Variants in PLCB1 observed in about 807,000 individuals in gnomAD.
The protein encoded by PLCB1 is phospholipase C beta 1.
PLCB1 carries 46 observed loss-of-function variants against 161.8 expected under a neutral mutation model. The observed-to-expected ratio is 0.28, with a 90% CI of 0.22 to 0.36. The LOEUF (loss-of-function observed/expected upper bound fraction) is 0.36, where lower values mean the gene tolerates loss of function less well. PLCB1 is among the 10% of genes least tolerant of loss of function. The pLI, the probability that PLCB1 is intolerant of heterozygous loss-of-function variation, is 1.00. For synonymous variants in PLCB1, 517 were observed against 503.7 expected (o/e 1.03, Z -0.35); for missense variants, 1,016 against 1,472.5 (o/e 0.69, Z 5.07).
chr20:8,771,681 A>C (rs1221616816), intron 26 of PLCB1, among the ~76,000 whole-genome samples: 4 of 152,156 alleles, frequency 2.6e-5, no homozygotes, highest in Non-Finnish European at 4.4e-5. Context: ...AAAACAAAAC[A>C]AAACCAAAAA....
chr20:8,797,727 G>A (rs1398522310), intron 31 of PLCB1, among the ~76,000 whole-genome samples: 3 of 152,190 alleles, frequency 2.0e-5, no homozygotes, highest in Non-Finnish European at 2.9e-5. Context: ...CTCAGCTCTT[G>A]ACTGTAGGCT....
intron 2 of PLCB1, among the ~76,000 whole-genome samples, chr20:8,170,653 A>G (rs898027710): frequency 6.6e-6 from 1 of 152,200 alleles, no homozygotes; most frequent in Non-Finnish European, 1.5e-5. Context: ...TACTTGGTAC[A>G]TAGAAGGAAG....
intron 31 of PLCB1, among the ~76,000 whole-genome samples, chr20:8,815,110 G>A (rs922298112): frequency 1.3e-5 from 2 of 151,680 alleles, no homozygotes; most frequent in Admixed American, 6.6e-5. Flanking sequence ...ACAGGTCATC[G>A]CTGCACTGCT....
intron 3 of PLCB1, chr20:8,371,696 A>G (rs980462592): frequency 2.6e-6 from 1 of 384,480 alleles, no homozygotes; most frequent in Non-Finnish European, 4.6e-6. Flanking sequence ...AAAAAAGACA[A>G]CGACAACAAT....
Position 8,433,694 on chromosome 20 carries a change from A to G in PLCB1, c.246+62244A>G, listed in dbSNP as rs1334286251. Among the ~76,000 whole-genome samples, 2 of 146,620 alleles carry G rather than the reference A, an allele frequency of 1.4e-5. 1 individual carries two copies. The highest frequency in any genetic ancestry group is 3.0e-5 in the Non-Finnish European group (2 of 66,540). ...TTAATGTTCAGTAAATGACGAGTGT[A>G]TCCTTCTCCTCTTCCTCCTCCTCCT... On this transcript the variant is annotated intron_variant, in intron 3 of 31. Coordinates refer to ENST00000338037, the MANE Select transcript of PLCB1 (RefSeq NM_015192.4).
At position 8,258,617 on chromosome 20, in the gene PLCB1, C is replaced by T. The variant is rs1041968325; in HGVS notation, c.177+108246C>T. On this transcript the variant is annotated intron_variant, in intron 2 of 31. Coordinates refer to ENST00000338037, the MANE Select transcript of PLCB1 (RefSeq NM_015192.4). ...TTGATTTAAGAAGAGGAATTTATTA[C>T]AGATTAATAATAATTACTTCTGAAG... Among the ~76,000 whole-genome samples the T allele has an allele frequency of 3.3e-5, 5 of 152,100 alleles. No homozygotes were observed. The East Asian group carries it at 7.7e-4, about 23-fold the overall frequency.
intron 3 of PLCB1, among the ~76,000 whole-genome samples, chr20:8,516,272 C>G (rs1480961304): frequency 1.3e-5 from 2 of 152,308 alleles, no homozygotes; most frequent in South Asian, 2.1e-4. Context: ...CACATGAGAA[C>G]ACATTCAACC....
intron 1 of PLCB1, among the ~76,000 whole-genome samples, chr20:8,135,525 G>C (rs1026006429): frequency 1.3e-5 from 2 of 152,212 alleles, no homozygotes; most frequent in East Asian, 3.9e-4. Context: ...AGACAGCAGG[G>C]GGGTAATAGA....
intron 26 of PLCB1, among the ~76,000 whole-genome samples, chr20:8,768,453 C>G (rs971084168): frequency 6.6e-6 from 1 of 152,184 alleles, no homozygotes; most frequent in African/African-American, 2.4e-5. Context: ...TGACCTCATT[C>G]TATTACATTT....
intron 3 of PLCB1, among the ~76,000 whole-genome samples, chr20:8,465,433 G>T (rs898286669): frequency 6.6e-6 from 1 of 152,060 alleles, no homozygotes; most frequent in African/African-American, 2.4e-5. Flanking sequence ...TTTTCTGAAA[G>T]AATTTATTGC....
At chr20:8,265,637 A>T (rs1353278164) in intron 2 of PLCB1, among the ~76,000 whole-genome samples, 2 of 152,186 alleles carry the variant, frequency 1.3e-5, no homozygotes, top group Non-Finnish European at 2.9e-5. Context: ...ATTCTGCAAC[A>T]TATGAACTTC....
intron 2 of PLCB1, among the ~76,000 whole-genome samples, chr20:8,164,640 A>G (rs1317163800): frequency 6.6e-6 from 1 of 152,156 alleles, no homozygotes; most frequent in African/African-American, 2.4e-5. Flanking sequence ...ACTTGTGGGG[A>G]AAGAAACTTT....
intron 3 of PLCB1, among the ~76,000 whole-genome samples, chr20:8,417,696 T>C (rs2122534925): frequency 6.6e-6 from 1 of 152,330 alleles, no homozygotes; most frequent in African/African-American, 2.4e-5. Context: ...TCCAATTGAC[T>C]TGCTATTTTA....
In PLCB1 at chr20:8,800,279, GCAA is replaced by G. The variant is rs1228549464; in HGVS notation, c.3423+10019_3423+10021del. ...TTATATCTAAGGCCATATTCATGCA[GCAA>G]ATTCACCACTTGGAGTGCTGTTTAT... On this transcript the variant is annotated intron_variant, in intron 31 of 31. Coordinates refer to ENST00000338037, the MANE Select transcript of PLCB1 (RefSeq NM_015192.4). Among the ~76,000 whole-genome samples, 3 of 152,186 alleles carry G rather than the reference GCAA, an allele frequency of 2.0e-5. No homozygotes were observed. In the East Asian group the frequency reaches 5.8e-4, roughly 29 times the overall value.
intron 2 of PLCB1, among the ~76,000 whole-genome samples, chr20:8,171,714 T>C (rs1242275831): frequency 6.6e-6 from 1 of 152,164 alleles, no homozygotes; most frequent in Non-Finnish European, 1.5e-5. Context: ...TTACTTCTCA[T>C]TGTAGTCTCC....
chr20:8,692,656 G>T (rs1434041333), intron 10 of PLCB1, among the ~76,000 whole-genome samples: 1 of 152,082 alleles, frequency 6.6e-6, no homozygotes, highest in African/African-American at 2.4e-5. Flanking sequence ...GTTAAATCAG[G>T]AATTCATTAA....
At chr20:8,140,781 C>CA (rs1222184327) in intron 1 of PLCB1, among the ~76,000 whole-genome samples, 11 of 151,210 alleles carry the variant, frequency 7.3e-5, no homozygotes, top group African/African-American at 1.9e-4. Flanking sequence ...ACAACAACAA[C>CA]AACAAAAAAC....
chr20:8,278,977 T>A (rs1246143905), intron 2 of PLCB1, among the ~76,000 whole-genome samples: 4 of 148,380 alleles, frequency 2.7e-5, no homozygotes, highest in African/African-American at 1.0e-4. Flanking sequence ...ACAGTGTTTT[T>A]TAAAAAAAAA....
At chr20:8,628,561 A>G in intron 4 of PLCB1, 130 bp downstream of exon 4, 1 of 867,810 alleles carries the variant, frequency 1.2e-6, no homozygotes, top group South Asian at 1.7e-5. Flanking sequence ...AAAATAATTC[A>G]GCTGCCAAGT....
Sources: gnomAD v4.1 joint callset for allele counts (sites outside exome capture counted in the v4.1 genomes callset) on GRCh38, gnomAD v4.1.1 for gene constraint, MANE v1.5 for transcripts, NCBI Gene and HGNC (gene_info 2026-07-23, HGNC 2026-07-21) for gene names.